ARHGEF4: variants seen among roughly 807,000 people sequenced by gnomAD.
ARHGEF4 encodes APC-stimulated guanine nucleotide exchange factor 1.
ARHGEF4 carries 119 observed loss-of-function variants against 162.0 expected under a neutral mutation model. That is an observed-to-expected ratio of 0.73 (90% CI 0.63 to 0.86). The LOEUF is 0.86. ARHGEF4 is among the 40% of genes least tolerant of loss of function. The pLI, the probability that ARHGEF4 is intolerant of heterozygous loss-of-function variation, is 0.00. For synonymous variants in ARHGEF4, 1,014 were observed against 979.9 expected (o/e 1.03, Z -0.65); for missense variants, 2,488 against 2,456.0 (o/e 1.01, Z -0.28).
intron 4 of ARHGEF4, chr2:130,964,103 C>T (rs1356162194): frequency 6.5e-6 from 6 of 921,502 alleles, no homozygotes; most frequent in African/African-American, 1.8e-5. Context: ...GATCTCGGCA[C>T]TAGCAGCAGC....
intron 4 of ARHGEF4, among the ~76,000 whole-genome samples, chr2:130,967,558 T>A (rs1685083320): frequency 6.6e-6 from 1 of 152,226 alleles, no homozygotes; most frequent in African/African-American, 2.4e-5. Flanking sequence ...TGCTTCCACA[T>A]TCCCCCGCAG....
intron 4 of ARHGEF4, among the ~76,000 whole-genome samples, chr2:130,994,415 G>C (rs1573556909): frequency 6.6e-6 from 1 of 152,100 alleles, no homozygotes; most frequent in Non-Finnish European, 1.5e-5. Context: ...CATGTGGGCA[G>C]ACCTATCTTA....
chr2:131,025,615 A>G (rs1157994433), intron 4 of ARHGEF4, among the ~76,000 whole-genome samples: 1 of 152,056 alleles, frequency 6.6e-6, no homozygotes, highest in Admixed American at 6.5e-5. Context: ...TCTTCCATCC[A>G]TCTGTTTACT....
chr2:130,844,764 A>G (rs1294618199), intron 1 of ARHGEF4, among the ~76,000 whole-genome samples: 4 of 151,822 alleles, frequency 2.6e-5, no homozygotes, highest in African/African-American at 4.8e-5. Flanking sequence ...GCACCCAACA[A>G]CTATTAGCTA....
At chr2:130,913,864 A>C in intron 1 of ARHGEF4, 122 bp from the exon 2 acceptor site, 1 of 1,181,194 alleles carries the variant, frequency 8.5e-7, no homozygotes, top group Non-Finnish European at 1.2e-6. Context: ...TCCTAGGGGT[A>C]CATGGGGAAC....
rs1440101635 is a variant in ARHGEF4, at chr2:130,917,153, C to T, written c.3207C>T (p.Thr1069=). 6.4e-7 allele frequency: 1 copy of T among 1,550,500 alleles called. No homozygotes were observed. The highest frequency in any genetic ancestry group is 2.4e-5 in the East Asian group (1 of 40,886). ...PRAQQAGIAH[T]LPSSSACCLA... ...CCCAGCAGGCTGGAATCGCACACAC[C>T]CTGCCTTCCAGCTCTGCCTGCTGCC... The change falls in exon 2 of 14, where the codon ACC becomes ACT. Residue 1069 remains threonine, a synonymous_variant. Coordinates refer to ENST00000409359, the MANE Select transcript of ARHGEF4 (RefSeq NM_001367493.1).
At chr2:130,975,540 C>T (rs1457566538) in intron 4 of ARHGEF4, among the ~76,000 whole-genome samples, 1 of 152,202 alleles carries the variant, frequency 6.6e-6, no homozygotes, top group Admixed American at 6.5e-5. Flanking sequence ...CCATCTTATG[C>T]CTGCCTGCCC....
chr2:131,031,837 A>T lies in ARHGEF4; in HGVS notation c.4125+3753A>T, dbSNP rs1218895657. ...CTCTTGGGCTGCACTGTGCCCCTGCAGTCAGGCCTGAGGCCACCCTAAGCC... is the reference window on the plus strand; with the variant it reads ...CTCTTGGGCTGCACTGTGCCCCTGCTGTCAGGCCTGAGGCCACCCTAAGCC... On this transcript the variant is annotated intron_variant, in intron 5 of 13. Coordinates refer to ENST00000409359, the MANE Select transcript of ARHGEF4 (RefSeq NM_001367493.1). Among the ~76,000 whole-genome samples, 9 of 152,246 alleles carry T rather than the reference A, an allele frequency of 5.9e-5. No individual in the cohort carries two copies. In the East Asian group the frequency reaches 1.7e-3, roughly 30 times the overall value.
intron 1 of ARHGEF4, among the ~76,000 whole-genome samples, chr2:130,913,452 C>T (rs1307021930): frequency 6.6e-6 from 1 of 152,118 alleles, no homozygotes; most frequent in Non-Finnish European, 1.5e-5. Context: ...TTATAACATC[C>T]CAAAATGTGT....
intron 4 of ARHGEF4, among the ~76,000 whole-genome samples, chr2:130,989,771 G>A (rs1189884754): frequency 6.6e-6 from 1 of 152,190 alleles, no homozygotes; most frequent in Non-Finnish European, 1.5e-5. Context: ...CTTTATGACG[G>A]CGGGGCCTGT....
intron 4 of ARHGEF4, among the ~76,000 whole-genome samples, chr2:130,992,446 G>T (rs1687080623): frequency 6.6e-6 from 1 of 152,090 alleles, no homozygotes; most frequent in African/African-American, 2.4e-5. Context: ...CGAGCCCACC[G>T]GGAGGAACAA....
At chr2:131,008,846 T>C (rs1279860699) in intron 4 of ARHGEF4, among the ~76,000 whole-genome samples, 1 of 152,216 alleles carries the variant, frequency 6.6e-6, no homozygotes, top group Non-Finnish European at 1.5e-5. Context: ...GTTTTATGGA[T>C]AGAGCTGTCA....
At position 131,039,916 on chromosome 2, in the gene ARHGEF4, C is replaced by A. The variant is rs190072168; in HGVS notation, c.4306-100C>A. Reference sequence around the variant, plus strand: ...TCCTCAGCCCTGCGCCCCGTACACCCTGCGGGGCCTCCGAGGCCCGGTTCC... The same window carrying A: ...TCCTCAGCCCTGCGCCCCGTACACCATGCGGGGCCTCCGAGGCCCGGTTCC... On this transcript the variant is annotated intron_variant, in intron 6 of 13. Coordinates refer to ENST00000409359, the MANE Select transcript of ARHGEF4 (RefSeq NM_001367493.1). The A allele has an allele frequency of 1.3e-3, 1,938 of 1,484,024 alleles. 20 individuals carry two copies. The African/African-American group carries it at 0.023, about 18-fold the overall frequency. 91.9% of individuals were successfully genotyped at this position (1,484,024 alleles called of 1,614,324 possible).
chr2:130,988,826 G>C (rs1448353828), intron 4 of ARHGEF4, among the ~76,000 whole-genome samples: 1 of 148,376 alleles, frequency 6.7e-6, no homozygotes, highest in Non-Finnish European at 1.5e-5. Context: ...ACATTGTAAT[G>C]AGTATTCTTC....
chr2:130,914,831 GCCT>G lies in ARHGEF4; in HGVS notation c.889_891del (p.Pro297del). 6.9e-7 allele frequency: 1 copy of G among 1,458,444 alleles called. No homozygotes were observed. The highest frequency in any genetic ancestry group is 1.5e-5 in the South Asian group (1 of 68,748). 90.3% of individuals were successfully genotyped at this position (1,458,444 alleles called of 1,614,324 possible). The stretch of plus-strand genomic sequence containing the variant: ...AGCCCCACTCGGATGTCCCCTGCCA[GCCT>G]CCTTTGAGGACATCTTGCCTCCTAC... On this transcript the variant is annotated inframe_deletion, in exon 2 of 14. Coordinates refer to ENST00000409359, the MANE Select transcript of ARHGEF4 (RefSeq NM_001367493.1).
intron 5 of ARHGEF4, among the ~76,000 whole-genome samples, chr2:131,033,611 C>G (rs915250039): frequency 6.6e-6 from 1 of 152,220 alleles, no homozygotes; most frequent in Non-Finnish European, 1.5e-5. Context: ...TGAGAGGACA[C>G]ATCACCATCT....
Position 130,938,418 on chromosome 2 carries a change from G to A in ARHGEF4, c.3858+7161G>A, listed in dbSNP as rs189370375. Among the ~76,000 whole-genome samples, 14 of 152,244 alleles carry A rather than the reference G, an allele frequency of 9.2e-5. No homozygotes were observed. In the East Asian group the frequency reaches 1.2e-3, roughly 13 times the overall value. The stretch of plus-strand genomic sequence containing the variant: ...TTTGGAAATGGTTGGGTTCTAAGGC[G>A]CCATAATGTAGAAAATATTTTCGTG... On this transcript the variant is annotated intron_variant, in intron 3 of 13. Coordinates refer to ENST00000409359, the MANE Select transcript of ARHGEF4 (RefSeq NM_001367493.1).
At chr2:130,994,905 G>A (rs1466737158) in intron 4 of ARHGEF4, among the ~76,000 whole-genome samples, 1 of 152,174 alleles carries the variant, frequency 6.6e-6, no homozygotes, top group Non-Finnish European at 1.5e-5. Flanking sequence ...AACATCAGCT[G>A]TTCTAACTTC....
intron 4 of ARHGEF4, chr2:130,963,875 C>G (rs1684798368): frequency 1.4e-3 from 1 of 706 alleles, no homozygotes; most frequent in South Asian, 0.045. Context: ...CGGCTGAGAG[C>G]CTCCTTAACG....
Sources: gnomAD v4.1 joint callset for allele counts (sites outside exome capture counted in the v4.1 genomes callset) on GRCh38, gnomAD v4.1.1 for gene constraint, MANE v1.5 for transcripts, NCBI Gene and HGNC (gene_info 2026-07-23, HGNC 2026-07-21) for gene names.